Variants in PTBP3 observed in about 807,000 individuals in gnomAD.
PTBP3 encodes polypyrimidine tract binding protein 3, also known as polypyrimidine tract-binding protein 3.
Under a neutral mutation model 58.7 loss-of-function variants are expected in PTBP3, and 20 were observed. That is an observed-to-expected ratio of 0.34 (90% CI 0.24 to 0.50). The LOEUF (loss-of-function observed/expected upper bound fraction) is 0.50. Ranked by LOEUF, PTBP3 falls within the 20% of genes least tolerant of loss-of-function variation. The pLI, the probability that PTBP3 is intolerant of heterozygous loss-of-function variation, is 0.98. For missense variants in PTBP3, 509 were observed against 637.2 expected (o/e 0.80, Z 2.17); for synonymous variants, 185 against 219.8 (o/e 0.84, Z 1.40).
chr9:112,238,649 CA>C (rs1835525348), intron 7 of PTBP3, among the ~76,000 whole-genome samples: 1 of 151,712 alleles, frequency 6.6e-6, no homozygotes, highest in African/African-American at 2.4e-5. Flanking sequence ...AAAAGGACAC[CA>C]AAAAGGAAAA....
At position 112,268,101 on chromosome 9, in the gene PTBP3, A is replaced by G; in HGVS notation, c.299T>C (p.Ile100Thr). 3 of 1,613,870 alleles carry G rather than the reference A, an allele frequency of 1.9e-6. No individual in the cohort carries two copies. The highest frequency in any genetic ancestry group is 2.5e-6 in the Non-Finnish European group (3 of 1,179,792). Residue 100 changes from isoleucine to threonine, a missense_variant, in exon 4 of 14, where the codon ATT becomes ACT. Physicochemically the swap from Ile to Thr is moderately conservative, Grantham distance 89. Around this residue, in one of 4 missense-constraint regions of PTBP3, gnomAD observed 212 missense variants for 215.3 expected, o/e 0.98. Transcript: ENST00000374257. Reference protein sequence around the residue: ...TPHLRSQPVYIQYSNHRELKT... With the variant: ...TPHLRSQPVYTQYSNHRELKT... ...AAGTTCTCTGTGATTGGAATACTGA[A>G]TATAAACAGGCTGGCTTCGAAGGTG...
intron 5 of PTBP3, among the ~76,000 whole-genome samples, chr9:112,256,043 C>T (rs1164120903): frequency 1.3e-5 from 2 of 151,872 alleles, no homozygotes; most frequent in African/African-American, 4.8e-5. Context: ...CACCTGAAGT[C>T]AGGAGTTCAA....
rs1834787609 is a variant in PTBP3, at chr9:112,220,960, G to C, written c.*2891C>G. On this transcript the variant is annotated 3_prime_UTR_variant, in exon 14 of 14. Transcript: ENST00000374257. ...TACTGAATAAATGCATGCCAAAACA[G>C]AGATACACAGATCTAGTTTTTCCAC... is the stretch of plus-strand genomic sequence containing the variant. 1 of 963,992 alleles carries C rather than the reference G, an allele frequency of 1.0e-6. No individual in the cohort carries two copies. The highest frequency in any genetic ancestry group is 1.8e-5 in the African/African-American group (1 of 56,662). The allele number at this position is 963,992 out of a possible 1,614,324, so 59.7% of individuals were successfully genotyped here.
At chr9:112,286,655 T>G (rs1828132630) in intron 2 of PTBP3, among the ~76,000 whole-genome samples, 2 of 152,190 alleles carry the variant, frequency 1.3e-5, no homozygotes. Flanking sequence ...ATGTATTATC[T>G]TACTTTAAGC....
the PTBP3 span, among the ~76,000 whole-genome samples, chr9:112,340,653 C>T: frequency 6.6e-6 from 1 of 152,072 alleles, no homozygotes; most frequent in Non-Finnish European, 1.5e-5. Context: ...GAGGCTGAGG[C>T]GGGTGGATCA....
At chr9:112,298,776 T>C (rs774286470) in intron 1 of PTBP3, among the ~76,000 whole-genome samples, 3 of 152,176 alleles carry the variant, frequency 2.0e-5, no homozygotes, top group Non-Finnish European at 4.4e-5. Context: ...GGGAACAACT[T>C]TAGCCTTTGC....
In PTBP3 at chr9:112,219,253, T is replaced by A. The variant is rs1033968222; in HGVS notation, c.*4598A>T. 2 of 152,634 alleles carry A rather than the reference T, an allele frequency of 1.3e-5. No individual in the cohort carries two copies. The highest frequency in any genetic ancestry group is 4.8e-5 in the African/African-American group (2 of 41,526). 9.5% of individuals were successfully genotyped at this position (152,634 alleles called of 1,614,324 possible). ...CTTTATAACTGGTACTTTCTGGATA[T>A]GGGATGAATTTTTAAAAGATCTGGG... is the stretch of plus-strand genomic sequence containing the variant. On this transcript the variant is annotated 3_prime_UTR_variant, in exon 14 of 14. Coordinates refer to ENST00000374257, the MANE Select transcript of PTBP3 (RefSeq NM_001163788.4).
chr9:112,308,824 C>G (rs554914723), intron 1 of PTBP3, among the ~76,000 whole-genome samples: 1 of 152,222 alleles, frequency 6.6e-6, no homozygotes, highest in South Asian at 2.1e-4. Flanking sequence ...AGCAGTTGCT[C>G]TGTGGACTTG....
chr9:112,286,883 T>G (rs1460108331), intron 2 of PTBP3, among the ~76,000 whole-genome samples: 2 of 152,328 alleles, frequency 1.3e-5, no homozygotes, highest in East Asian at 3.9e-4. Flanking sequence ...AAATTCCATA[T>G]AGAATTCCAG....
intron 9 of PTBP3, among the ~76,000 whole-genome samples, chr9:112,231,747 T>A (rs1288204280): frequency 1.3e-5 from 2 of 148,770 alleles, no homozygotes; most frequent in Non-Finnish European, 3.0e-5. Context: ...ACAAAAGAAT[T>A]AAAAAAAAAA....
At chr9:112,352,022 A>G in the PTBP3 span, among the ~76,000 whole-genome samples, 4 of 151,182 alleles carry the variant, frequency 2.6e-5, no homozygotes, top group Non-Finnish European at 4.4e-5. Flanking sequence ...GGCTCAAGTG[A>G]TCCTCTTGTC....
chr9:112,313,285 ACCT>A (rs1436783975), intron 1 of PTBP3, among the ~76,000 whole-genome samples: 10 of 152,056 alleles, frequency 6.6e-5, no homozygotes, highest in Non-Finnish European at 8.8e-5. Context: ...GCTCACAGTA[ACCT>A]CCTCTCATGG....
chr9:112,320,291 A>AAAAAAT (rs1411646280), intron 1 of PTBP3, among the ~76,000 whole-genome samples: 72 of 73,522 alleles, frequency 9.8e-4, no homozygotes, highest in African/African-American at 3.5e-3. Flanking sequence ...AAAAAAAAAA[A>AAAAAAT]ATATATATAT....
intron 10 of PTBP3, among the ~76,000 whole-genome samples, chr9:112,230,907 A>C (rs1253192560): frequency 6.6e-6 from 1 of 152,162 alleles, no homozygotes; most frequent in Non-Finnish European, 1.5e-5. Context: ...GATTGTTCTT[A>C]GGTAAAAACC....
rs1311430074 is a variant in PTBP3, at chr9:112,221,572, T to A, written c.*2279A>T. ...GAAAAAAAAGCAAGTTTTGGGAGAT[T>A]TTGCAAAGAAATTTTTTTCCTCCTT... On this transcript the variant is annotated 3_prime_UTR_variant, in exon 14 of 14. Transcript: ENST00000374257. 1 of 985,460 alleles carries A rather than the reference T, an allele frequency of 1.0e-6. No homozygotes were observed. The highest frequency in any genetic ancestry group is 1.1e-4 in the East Asian group (1 of 8,832). 61.0% of individuals were successfully genotyped at this position (985,460 alleles called of 1,614,324 possible).
At chr9:112,287,522 G>A (rs1828191617) in intron 2 of PTBP3, among the ~76,000 whole-genome samples, 2 of 151,042 alleles carry the variant, frequency 1.3e-5, no homozygotes, top group Non-Finnish European at 1.5e-5. Context: ...TGTATTTTTA[G>A]TAGAGAAGGG....
At chr9:112,235,583 T>G (rs772894472) in intron 7 of PTBP3, among the ~76,000 whole-genome samples, 1 of 152,124 alleles carries the variant, frequency 6.6e-6, no homozygotes, top group Non-Finnish European at 1.5e-5. Context: ...AATGATTAAT[T>G]TGGTTTGGGG....
rs1033943463 is a variant in PTBP3, at chr9:112,309,091, T to C, written c.-51-11175A>G. Among the ~76,000 whole-genome samples the C allele has an allele frequency of 2.6e-5, 4 of 152,182 alleles. 1 individual carries two copies. The highest frequency in any genetic ancestry group is 1.9e-4 in the East Asian group (1 of 5,204). On this transcript the variant is annotated intron_variant, in intron 1 of 13. Coordinates refer to ENST00000374257, the MANE Select transcript of PTBP3 (RefSeq NM_001163788.4). ...ATGGTTAAACTTCATGTATCTAAAA[T>C]GCATATGAAATTCAAGAAAAGATAT...
intron 4 of PTBP3, among the ~76,000 whole-genome samples, chr9:112,264,182 C>A (rs1032889949): frequency 1.3e-5 from 2 of 151,842 alleles, no homozygotes; most frequent in African/African-American, 2.4e-5. Flanking sequence ...TTTTAAAATG[C>A]CTGGAAAATG....
Sources: allele counts gnomAD v4.1 joint callset (sites outside exome capture counted in the v4.1 genomes callset), GRCh38; gene constraint gnomAD v4.1.1; regional missense constraint gnomAD v4.1.1; transcripts MANE v1.5; gene names NCBI Gene and HGNC (gene_info 2026-07-23, HGNC 2026-07-21).